KDM4C: variants seen among roughly 807,000 people sequenced by gnomAD.
KDM4C encodes lysine-specific demethylase 4C.
A neutral mutation model predicts 129.3 loss-of-function variants in KDM4C; 81 were observed. The observed-to-expected ratio is 0.63, with a 90% confidence interval of 0.52 to 0.75. KDM4C has a LOEUF of 0.75. KDM4C is among the 30% of genes least tolerant of loss of function. KDM4C has a pLI of 0.00. For missense variants in KDM4C, 1,457 were observed against 1,304.0 expected, an observed-to-expected ratio of 1.12 and a Z score of -1.81; for synonymous variants, 573 against 456.1, an observed-to-expected ratio of 1.26 and a Z score of -3.26.
At chr9:6,994,337 G>A (rs897466227) in intron 12 of KDM4C, among the ~76,000 whole-genome samples, 1 of 152,062 alleles carries the variant, frequency 6.6e-6, no homozygotes, top group East Asian at 1.9e-4. Flanking sequence ...TTTCTTCCAT[G>A]TATTTGCCCA....
chr9:6,766,270 C>A (rs1428101310), intron 1 of KDM4C, among the ~76,000 whole-genome samples: 1 of 152,090 alleles, frequency 6.6e-6, no homozygotes, highest in Admixed American at 6.6e-5. Context: ...TGAGCATTTA[C>A]TTTGAGTGTC....
upstream of KDM4C, among the ~76,000 whole-genome samples, chr9:6,753,875 T>C (rs1298393638): frequency 7.2e-6 from 1 of 139,442 alleles, no homozygotes; most frequent in African/African-American, 2.7e-5. Context: ...ATTCTTTTTT[T>C]TTTTTTTTTT....
At chr9:6,740,501 C>T (rs1272788371) in intron 1 of KDM4C, among the ~76,000 whole-genome samples, 2 of 151,278 alleles carry the variant, frequency 1.3e-5, no homozygotes, top group African/African-American at 4.9e-5. Context: ...CTGCGCCTGG[C>T]CTTTCACCCG....
At position 7,054,484 on chromosome 9, in the gene KDM4C, A is replaced by G. The variant is rs73639913; in HGVS notation, c.2424+5284A>G. On this transcript the variant is annotated intron_variant, in intron 17 of 21. Transcript: ENST00000381309. The stretch of plus-strand genomic sequence containing the variant: ...CCTATTTTGTTTTTACAATATAAAA[A>G]TGATCAGGAAGAAGGATTAAGGATG... Among the ~76,000 whole-genome samples the G allele has an allele frequency of 1.8e-3, 281 of 152,344 alleles. 3 individuals are homozygous for G. The highest frequency in any genetic ancestry group is 6.5e-3 in the African/African-American group (270 of 41,590).
At chr9:6,755,483 G>C (rs538108899), upstream of KDM4C, among the ~76,000 whole-genome samples, 44 of 152,280 alleles carry the variant, frequency 2.9e-4, no homozygotes, top group African/African-American at 8.9e-4. Context: ...GGGAGGTCAA[G>C]GCTGCAGTGA....
At chr9:6,867,305 C>T (rs928325987) in intron 5 of KDM4C, among the ~76,000 whole-genome samples, 4 of 152,158 alleles carry the variant, frequency 2.6e-5, no homozygotes, top group African/African-American at 4.8e-5. Flanking sequence ...TGAGCCGCTG[C>T]GCCCGGCCAG....
chr9:7,040,404 T>C (rs974130324), intron 15 of KDM4C, among the ~76,000 whole-genome samples: 72 of 145,820 alleles, frequency 4.9e-4, no homozygotes, highest in African/African-American at 1.7e-3. Flanking sequence ...TGTGTGTGTG[T>C]GCGTGTGTAT....
chr9:6,898,246 C>A (rs1367568292), intron 8 of KDM4C, among the ~76,000 whole-genome samples: 1 of 152,164 alleles, frequency 6.6e-6, no homozygotes, highest in Non-Finnish European at 1.5e-5. Context: ...GTTTCAGCAG[C>A]CTCAAGCACT....
intron 17 of KDM4C, among the ~76,000 whole-genome samples, chr9:7,061,662 C>A (rs1328489664): frequency 6.6e-6 from 1 of 152,182 alleles, no homozygotes; most frequent in Non-Finnish European, 1.5e-5. Flanking sequence ...CAGGTGGTCT[C>A]AGTGCTCCTT....
At chr9:7,157,661 G>A (rs180927323) in intron 19 of KDM4C, among the ~76,000 whole-genome samples, 2 of 152,310 alleles carry the variant, frequency 1.3e-5, no homozygotes, top group Admixed American at 1.3e-4. Flanking sequence ...TACATTTATT[G>A]ATTTGCGTAT....
At chr9:6,895,413 C>G (rs1278786295) in intron 8 of KDM4C, among the ~76,000 whole-genome samples, 2 of 152,298 alleles carry the variant, frequency 1.3e-5, no homozygotes, top group South Asian at 2.1e-4. Context: ...GGACTTTTCT[C>G]CTAGAAGCCT....
In KDM4C at chr9:7,175,500, T is replaced by TA. The variant is rs150005728; in HGVS notation, c.*772dup. On this transcript the variant is annotated 3_prime_UTR_variant, in exon 22 of 22. Transcript: ENST00000381309. ...ATTCCGAGTAGATATTTATAAAATATATGTTTCTTTCATTATGTGTTTGTA... is the reference window on the plus strand; with the variant it reads ...ATTCCGAGTAGATATTTATAAAATATAATGTTTCTTTCATTATGTGTTTGTA... The TA allele has an allele frequency of 4.0e-3, 615 of 152,796 alleles. 3 individuals are homozygous for TA. The highest frequency in any genetic ancestry group is 0.014 in the African/African-American group (587 of 41,582). 9.5% of individuals were successfully genotyped at this position (152,796 alleles called of 1,614,324 possible).
intron 12 of KDM4C, among the ~76,000 whole-genome samples, chr9:7,003,896 A>C (rs1014774993): frequency 6.6e-6 from 1 of 152,156 alleles, no homozygotes; most frequent in African/African-American, 2.4e-5. Context: ...TCACTTCTGC[A>C]CTTATCCCAC....
At chr9:6,784,208 A>G (rs1160655889) in intron 1 of KDM4C, among the ~76,000 whole-genome samples, 1 of 152,180 alleles carries the variant, frequency 6.6e-6, no homozygotes, top group East Asian at 1.9e-4. Context: ...GGGGAAGCAG[A>G]GGCCTCATTT....
intron 15 of KDM4C, among the ~76,000 whole-genome samples, chr9:7,045,332 T>C (rs1414407159): frequency 6.6e-6 from 1 of 152,058 alleles, no homozygotes; most frequent in African/African-American, 2.4e-5. Flanking sequence ...AACTCTTTGC[T>C]GCATTCCCAC....
chr9:6,814,954 C>T (rs769393067), intron 4 of KDM4C: 38 of 398,666 alleles, frequency 9.5e-5, no homozygotes, highest in Non-Finnish European at 1.5e-4. Context: ...TGAAATTGTT[C>T]AGTAGTAACA....
intron 12 of KDM4C, among the ~76,000 whole-genome samples, chr9:6,996,718 T>C (rs1231634337): frequency 2.0e-5 from 3 of 152,250 alleles, no homozygotes; most frequent in Non-Finnish European, 4.4e-5. Flanking sequence ...AACATACTTG[T>C]GCTGACAGTG....
At chr9:6,834,744 T>C in intron 4 of KDM4C, 2 of 1,032,848 alleles carry the variant, frequency 1.9e-6, no homozygotes, top group Non-Finnish European at 1.5e-6. Context: ...CTGCATGTGG[T>C]TCCCGAGGAG....
At chr9:6,811,802 A>C (rs1831200639) in intron 3 of KDM4C, among the ~76,000 whole-genome samples, 1 of 152,080 alleles carries the variant, frequency 6.6e-6, no homozygotes, top group South Asian at 2.1e-4. Context: ...AAACATGTGT[A>C]GCCTGGCCCT....
Sources: allele counts gnomAD v4.1 joint callset (sites outside exome capture counted in the v4.1 genomes callset), GRCh38; gene constraint gnomAD v4.1.1; transcripts MANE v1.5; gene names NCBI Gene and HGNC (gene_info 2026-07-23, HGNC 2026-07-21).